The following ZNF532 variants were observed in gnomAD, a reference collection of about 807,000 sequenced individuals.
ZNF532 encodes the protein zinc finger protein 532.
Under a neutral mutation model 89.3 loss-of-function variants are expected in ZNF532, and 22 were observed. The observed-to-expected ratio is 0.25, with a 90% CI of 0.18 to 0.35. The LOEUF is 0.35. Among genes scored for constraint, ZNF532 ranks in the 10% least tolerant of loss-of-function variants. The probability of loss-of-function intolerance (pLI) is 1.00; values close to 1 mark genes in which losing one functional copy is unlikely to be tolerated. For missense variants in ZNF532, 1,132 were observed against 1,643.4 expected (o/e 0.69, Z 5.38); for synonymous variants, 606 against 649.6 (o/e 0.93, Z 1.02).
In ZNF532 at chr18:58,897,621, A is replaced by G. The variant is rs374498393; in HGVS notation, c.-17-20650A>G. 9.9e-5 allele frequency among the ~76,000 whole-genome samples: 15 copies of G among 152,280 alleles called. No homozygotes were observed. The South Asian group carries it at 3.1e-3, about 32-fold the overall frequency. The stretch of plus-strand genomic sequence containing the variant: ...TGGAGGAATGAGACTTGAAGAGCAG[A>G]GCAATTTTTAAGTTGTTTACATCGA... On this transcript the variant is annotated intron_variant, in intron 2 of 9. Coordinates refer to ENST00000591808, the MANE Select transcript of ZNF532 (RefSeq NM_001375912.1).
At chr18:58,941,161 C>T (rs139557647) in intron 5 of ZNF532, among the ~76,000 whole-genome samples, 445 of 152,066 alleles carry the variant, frequency 2.9e-3, no homozygotes, top group Middle Eastern at 6.8e-3. Context: ...ATTAAGGAAT[C>T]CATACATGTC....
chr18:58,973,526 G>C (rs1568457312), intron 7 of ZNF532, among the ~76,000 whole-genome samples: 1 of 152,220 alleles, frequency 6.6e-6, no homozygotes, highest in Non-Finnish European at 1.5e-5. Flanking sequence ...AATGTTAAAA[G>C]ATGGCGGAAC....
At chr18:58,936,796 C>T (rs2062512487) in intron 4 of ZNF532, among the ~76,000 whole-genome samples, 1 of 152,162 alleles carries the variant, frequency 6.6e-6, no homozygotes, top group African/African-American at 2.4e-5. Context: ...ATATGAGGGT[C>T]CAGGTTCATG....
rs974983372 is a variant in ZNF532 at position 58,882,085 on chromosome 18, G to A, written c.-18+16506G>A. On this transcript the variant is annotated intron_variant, in intron 2 of 9. Coordinates refer to ENST00000591808, the MANE Select transcript of ZNF532 (RefSeq NM_001375912.1). ...TGATCCTCCCACCTCAGCCTCCTGC[G>A]TAGCTTGGGACTATTAGGTGCACGC... is the stretch of plus-strand genomic sequence containing the variant. Among the ~76,000 whole-genome samples the A allele has an allele frequency of 1.4e-4, 21 of 152,150 alleles. 1 individual carries two copies. The highest frequency in any genetic ancestry group is 3.6e-4 in the African/African-American group (15 of 41,508).
chr18:58,912,982 G>A (rs2060373138), intron 2 of ZNF532, among the ~76,000 whole-genome samples: 1 of 152,190 alleles, frequency 6.6e-6, no homozygotes. Context: ...TTTAGGAAGA[G>A]TGAAGAAGCA....
At chr18:58,954,433 A>T in intron 7 of ZNF532, 5 of 215,238 alleles carry the variant, frequency 2.3e-5, no homozygotes, top group Non-Finnish European at 4.0e-5. Context: ...ATACTGTATT[A>T]AATACAATAT....
At chr18:58,959,041 AAAG>A (rs1383773428) in intron 7 of ZNF532, among the ~76,000 whole-genome samples, 2 of 152,222 alleles carry the variant, frequency 1.3e-5, no homozygotes, top group African/African-American at 2.4e-5. Flanking sequence ...TTAAAATTAA[AAAG>A]AAGTTACATG....
chr18:58,964,844 T>G (rs1200384796), intron 7 of ZNF532, among the ~76,000 whole-genome samples: 1 of 151,820 alleles, frequency 6.6e-6, no homozygotes, highest in Non-Finnish European at 1.5e-5. Flanking sequence ...TGGCCTCAAG[T>G]GATCCTCCAG....
In ZNF532 at chr18:58,888,688, A is replaced by C. The variant is rs1420463185; in HGVS notation, c.-18+23109A>C. ...CGAAACTCTGTCTCCAAGGAAGGCA[A>C]AAAAAAAATTATATATATATATATA... On this transcript the variant is annotated intron_variant, in intron 2 of 9. Transcript: ENST00000591808. 5.1e-5 allele frequency among the ~76,000 whole-genome samples: 4 copies of C among 79,124 alleles called. No individual in the cohort carries two copies. In the East Asian group the frequency reaches 1.3e-3, roughly 27 times the overall value. 51.9% of individuals were successfully genotyped at this position (79,124 alleles called of 152,430 possible). A position where few individuals can be genotyped will look rare whatever the true frequency, so the allele number is the denominator to read the frequency against.
At chr18:58,933,297 CAAG>C (rs1292746037) in intron 3 of ZNF532, among the ~76,000 whole-genome samples, 10 of 152,026 alleles carry the variant, frequency 6.6e-5, no homozygotes, top group African/African-American at 2.2e-4. Flanking sequence ...AGGAGAAAAT[CAAG>C]AAAGAATTTT....
At chr18:58,916,635 T>C (rs2060621460) in intron 2 of ZNF532, 1 of 869,814 alleles carries the variant, frequency 1.1e-6, no homozygotes, top group Non-Finnish European at 1.4e-6. Context: ...GGATTTATTC[T>C]TCAGCTCCCA....
Position 58,964,533 on chromosome 18 carries a change from GTT to G in ZNF532, c.3150+10736_3150+10737del, listed in dbSNP as rs1491282051. Among the ~76,000 whole-genome samples, 378 of 109,092 alleles carry G rather than the reference GTT, an allele frequency of 3.5e-3. 3 individuals are homozygous for G. The highest frequency in any genetic ancestry group is 0.018 in the Admixed American group (192 of 10,950). 71.6% of individuals were successfully genotyped at this position (109,092 alleles called of 152,430 possible). On this transcript the variant is annotated intron_variant, in intron 7 of 9. Transcript: ENST00000591808. ...TTTTGGCCACTGGAATTGATATTTTGTTTGTGTGTGTGTGTGTGTGTGTGTGT... is the reference window on the plus strand; with the variant it reads ...TTTTGGCCACTGGAATTGATATTTTGTGTGTGTGTGTGTGTGTGTGTGTGT...
Position 58,920,718 on chromosome 18 carries a change from G to A in ZNF532, c.2346+85G>A, listed in dbSNP as rs1332244308. 8 of 1,128,274 alleles carry A rather than the reference G, an allele frequency of 7.1e-6. No individual in the cohort carries two copies. In the East Asian group the frequency reaches 2.1e-4, roughly 29 times the overall value. 69.9% of individuals were successfully genotyped at this position (1,128,274 alleles called of 1,614,324 possible). A position where few individuals can be genotyped will look rare whatever the true frequency, so the allele number is the denominator to read the frequency against. On this transcript the variant is annotated intron_variant, in intron 3 of 9. Transcript: ENST00000591808. ...TAAGATGCCCTTGATTTTAGGGTGG[G>A]AATGCAGTGAAATGGACGTGTGTGT... is the stretch of plus-strand genomic sequence containing the variant.
intron 2 of ZNF532, among the ~76,000 whole-genome samples, chr18:58,887,796 C>T (rs369498743): frequency 4.7e-4 from 72 of 152,228 alleles, no homozygotes; most frequent in African/African-American, 1.6e-3. Context: ...GAGACCACAC[C>T]GAGTCGGGGC....
rs116812587 is a variant in ZNF532, at chr18:58,963,192, A to G, written c.3150+9393A>G. Among the ~76,000 whole-genome samples, 222 of 152,348 alleles carry G rather than the reference A, an allele frequency of 1.5e-3. 1 individual carries two copies. The highest frequency in any genetic ancestry group is 5.0e-3 in the African/African-American group (207 of 41,582). On this transcript the variant is annotated intron_variant, in intron 7 of 9. Transcript: ENST00000591808. ...TTTACAGCATTAGTAAGTCTGTTCA[A>G]TATAATTTAAAGCCTGATTATAAAT...
intron 2 of ZNF532, among the ~76,000 whole-genome samples, chr18:58,906,492 G>A (rs999595700): frequency 6.6e-6 from 1 of 152,026 alleles, no homozygotes; most frequent in African/African-American, 2.4e-5. Flanking sequence ...AGATTCATTG[G>A]TAGGTGCATT....
intron 2 of ZNF532, among the ~76,000 whole-genome samples, chr18:58,869,803 G>A (rs1415886070): frequency 8.6e-6 from 1 of 115,898 alleles, no homozygotes; most frequent in Admixed American, 1.2e-4. Flanking sequence ...GTCTCGCTTT[G>A]TTGTCCAGGC....
At chr18:58,920,767 TG>T in intron 3 of ZNF532, 134 bp downstream of exon 3, 4 of 655,906 alleles carry the variant, frequency 6.1e-6, no homozygotes, top group Non-Finnish European at 1.0e-5. Flanking sequence ...TGTGTGTGTG[TG>T]TGTGTGTGTG....
At chr18:58,921,917 G>A (rs551663917) in intron 3 of ZNF532, among the ~76,000 whole-genome samples, 5 of 152,170 alleles carry the variant, frequency 3.3e-5, no homozygotes, top group South Asian at 4.2e-4. Flanking sequence ...ACCAGCCTGG[G>A]CAACATGGTG....
Sources: allele counts gnomAD v4.1 joint callset (sites outside exome capture counted in the v4.1 genomes callset), GRCh38; gene constraint gnomAD v4.1.1; transcripts MANE v1.5; gene names NCBI Gene and HGNC (gene_info 2026-07-23, HGNC 2026-07-21).